COCH: variants seen among roughly 807,000 people sequenced by gnomAD.
The protein encoded by COCH is coagulation factor C homolog, cochlin (Limulus polyphemus).
A neutral mutation model predicts 54.8 loss-of-function variants in COCH; 40 were observed. The observed-to-expected ratio is 0.73, with a 90% CI of 0.57 to 0.95. The LOEUF (loss-of-function observed/expected upper bound fraction) is 0.95. Ranked by LOEUF, COCH falls within the 40% of genes least tolerant of loss-of-function variation. COCH has a pLI of 0.00. For missense variants in COCH, 605 were observed against 675.0 expected (o/e 0.90, Z 1.15); for synonymous variants, 256 against 237.9 (o/e 1.08, Z -0.70).
intron 3 of COCH, chr14:30,876,650 G>A (rs923892156): frequency 5.3e-5 from 8 of 152,096 alleles, no homozygotes; most frequent in Non-Finnish European, 1.0e-4. Context: ...GCATTTGTAG[G>A]CTAACTAGGA....
rs188283330 is a variant in COCH at position 30,878,843 on chromosome 14, G to T, written c.272G>T (p.Arg91Leu). The T allele has an allele frequency of 1.9e-6, 3 of 1,614,020 alleles. No individual in the cohort carries two copies. In the African/African-American group the frequency reaches 4.0e-5, roughly 22 times the overall value. ...ATCAGCAACTCAGGGGGACCTGTAC[G>T]AGTCTATAGCCTACCTGGTCGAGAA... is the stretch of plus-strand genomic sequence containing the variant. ...GVISNSGGPV[R>L]VYSLPGRENY... The change falls in exon 5 of 12, where the codon CGA becomes CTA. Residue 91 changes from arginine (R) to leucine (L), a missense_variant. Coordinates refer to ENST00000396618, the MANE Select transcript of COCH (RefSeq NM_004086.3).
In COCH at chr14:30,890,462, C is replaced by T. The variant is rs1895944707; in HGVS notation, c.*671C>T. ...TTTATATGTATATAGATATATTTGG[C>T]TTATATTCTAAGTCACCTAAGTACT... On this transcript the variant is annotated 3_prime_UTR_variant, in exon 12 of 12. Coordinates refer to ENST00000396618, the MANE Select transcript of COCH (RefSeq NM_004086.3). 1 of 951,844 alleles carries T rather than the reference C, an allele frequency of 1.1e-6. No homozygotes were observed. Among genetic ancestry groups the T allele is most frequent in the Non-Finnish European group, 1.3e-6 (1 of 799,396 alleles). 59.0% of individuals were successfully genotyped at this position (951,844 alleles called of 1,614,324 possible). A position where few individuals can be genotyped will look rare whatever the true frequency, so the allele number is the denominator to read the frequency against.
chr14:30,881,079 G>A (rs948426789), intron 8 of COCH, among the ~76,000 whole-genome samples: 2 of 152,040 alleles, frequency 1.3e-5, no homozygotes, highest in Non-Finnish European at 2.9e-5. Context: ...GCCAGATGTG[G>A]TGGCATGCAC....
Position 30,885,997 on chromosome 14 carries a change from G to C in COCH, c.1162G>C (p.Glu388Gln). The C allele has an allele frequency of 6.2e-7, 1 of 1,614,220 alleles. No individual in the cohort carries two copies. The highest frequency in any genetic ancestry group is 8.5e-7 in the Non-Finnish European group (1 of 1,180,040). Residue 388 changes from glutamate (E) to glutamine (Q), a missense_variant, in exon 11 of 12, where the codon GAA (glutamate) becomes CAA (glutamine). Coordinates refer to ENST00000396618, the MANE Select transcript of COCH (RefSeq NM_004086.3). ...VGDSNFRLML[E>Q]FVSNIAKTFE... ...AGATAGCAATTTCCGCCTCATGCTT[G>C]AATTTGTTTCCAACATAGCCAAGAC...
At chr14:30,876,581 C>T (rs1372795107) in intron 3 of COCH, 1 of 152,150 alleles carries the variant, frequency 6.6e-6, no homozygotes, top group Non-Finnish European at 1.5e-5. Context: ...AGTTAGATAA[C>T]TTTCTGTGAA....
chr14:30,889,326 T>C, intron 11 of COCH: 1 of 379,160 alleles, frequency 2.6e-6, no homozygotes, highest in Non-Finnish European at 5.0e-6. Context: ...TATAGGTGTG[T>C]TCTGTCATTA....
chr14:30,894,531 T>C (rs1198312493), downstream of COCH: 2 of 152,818 alleles, frequency 1.3e-5, no homozygotes, highest in Admixed American at 6.5e-5. Flanking sequence ...AGTGATAGGA[T>C]GCCAAGATTA....
chr14:30,885,256 A>G, intron 9 of COCH, 138 bp from the exon 10 acceptor site: 7 of 965,102 alleles, frequency 7.3e-6, no homozygotes, highest in Non-Finnish European at 6.3e-6. Flanking sequence ...GTTCTATATA[A>G]TTCTTTTTTG....
downstream of COCH, chr14:30,894,547 T>C (rs1896075828): frequency 6.5e-6 from 1 of 152,808 alleles, no homozygotes; most frequent in East Asian, 1.9e-4. Flanking sequence ...GATTAGTTTT[T>C]TTCTTTAAGA....
At chr14:30,894,108 T>C (rs1426782686), downstream of COCH, 4 of 152,584 alleles carry the variant, frequency 2.6e-5, no homozygotes, top group African/African-American at 9.7e-5. Context: ...ACAAAATCTT[T>C]AGTTACACCA....
chr14:30,887,357 G>T (rs1457193596), intron 11 of COCH, among the ~76,000 whole-genome samples: 1 of 150,642 alleles, frequency 6.6e-6, no homozygotes, highest in East Asian at 2.0e-4. Context: ...TCGTGCCATT[G>T]TACTCCAGCC....
chr14:30,886,082 G>A lies in COCH; in HGVS notation c.1247G>A (p.Arg416His), dbSNP rs772383772. ...IAAVQFTYDQRTEFSFTDYST... is the reference protein window; with the variant it reads ...IAAVQFTYDQHTEFSFTDYST... ...GCTGTACAGTTTACTTATGATCAGC[G>A]CACGGAGTTCAGTTTCACTGACTAT... The change falls in exon 11 of 12, where the codon CGC becomes CAC. Residue 416 changes from arginine (R) to histidine (H), a missense_variant. Arg to His is a conservative substitution (Grantham distance 29). Transcript: ENST00000396618. The A allele has an allele frequency of 1.9e-5, 30 of 1,614,076 alleles. No individual in the cohort carries two copies. The Middle Eastern group carries it at 6.6e-4, about 35-fold the overall frequency.
At chr14:30,882,168 C>T (rs1354482073) in intron 8 of COCH, among the ~76,000 whole-genome samples, 1 of 89,702 alleles carries the variant, frequency 1.1e-5, no homozygotes, top group Non-Finnish European at 2.0e-5. Context: ...TTTGCTCTGT[C>T]ACCGAGGCTG....
chr14:30,895,053 CAAAAAAAAAAAAAAA>C (rs35858438), downstream of COCH: 17 of 26,564 alleles, frequency 6.4e-4, no homozygotes, highest in African/African-American at 1.3e-3. Context: ...ACACAGAGTC[CAAAAAAAAAAAAAAA>C]AAAAAAAAAA....
At chr14:30,882,421 C>T (rs1258969647) in intron 8 of COCH, among the ~76,000 whole-genome samples, 7 of 151,960 alleles carry the variant, frequency 4.6e-5, no homozygotes, top group African/African-American at 9.7e-5. Flanking sequence ...TGAGCTACCA[C>T]GCCTGGCCCC....
intron 4 of COCH, 89 bp from the exon 5 acceptor site, chr14:30,878,721 CA>C (rs1376773191): frequency 3.8e-6 from 6 of 1,573,810 alleles, no homozygotes; most frequent in Non-Finnish European, 5.2e-6. Flanking sequence ...CTTGATTAAT[CA>C]AAGCAATAGA....
At chr14:30,889,518 G>C in intron 11 of COCH, 98 bp from the exon 12 acceptor site, 1 of 1,076,114 alleles carries the variant, frequency 9.3e-7, no homozygotes, top group South Asian at 1.3e-5. Flanking sequence ...AGCAGTTTTC[G>C]CTGCAACTAT....
At position 30,877,602 on chromosome 14, in the gene COCH, G is replaced by T. The variant is rs1391189162; in HGVS notation, c.113G>T (p.Gly38Val). The change falls in exon 4 of 12, where the codon GGC becomes GTC. Residue 38 changes from glycine (G) to valine (V), a missense_variant. By Grantham distance (109) the Gly-to-Val change is moderately radical. Coordinates refer to ENST00000396618, the MANE Select transcript of COCH (RefSeq NM_004086.3). The surrounding 1 kb of genome is among the most constrained non-coding windows in gnomAD (Gnocchi z 8.6). Reference protein sequence around the residue: ...APIAITCFTRGLDIRKEKADV... With the variant: ...APIAITCFTRVLDIRKEKADV... ...ATTGCTATCACATGTTTTACCAGAG[G>T]CTTGGACATCAGGAAAGAGAAAGCA... 3 of 1,614,026 alleles carry T rather than the reference G, an allele frequency of 1.9e-6. No individual in the cohort carries two copies. Among genetic ancestry groups the T allele is most frequent in the Non-Finnish European group, 2.5e-6 (3 of 1,180,022 alleles).
At chr14:30,889,416 G>T in intron 11 of COCH, 200 bp from the exon 12 acceptor site, 1 of 574,478 alleles carries the variant, frequency 1.7e-6, no homozygotes, top group Non-Finnish European at 3.1e-6. Flanking sequence ...ATATAGCAGA[G>T]TTTCTGGTTT....
Sources: gnomAD v4.1 joint callset for allele counts (sites outside exome capture counted in the v4.1 genomes callset) on GRCh38, gnomAD v4.1.1 for gene constraint, Gnocchi (gnomAD v3.1) non-coding constraint, MANE v1.5 for transcripts, NCBI Gene and HGNC (gene_info 2026-07-23, HGNC 2026-07-21) for gene names.